Variants in UGT1A10 observed in about 807,000 individuals in gnomAD.
UGT1A10 encodes the protein UDP glucuronosyltransferase family 1 member A10.
A neutral mutation model predicts 45.8 loss-of-function variants in UGT1A10; 49 were observed. The observed-to-expected ratio is 1.07, with a 90% confidence interval of 0.85 to 1.36. The LOEUF (loss-of-function observed/expected upper bound fraction) is 1.36. UGT1A10 is among the 40% of genes most tolerant of loss of function. UGT1A10 has a pLI of 0.00. For missense variants in UGT1A10, 745 were observed against 668.6 expected (o/e 1.11, Z -1.26); for synonymous variants, 284 against 249.7 (o/e 1.14, Z -1.29).
chr2:233,769,069 T>C lies in UGT1A10; in HGVS notation c.1295+630T>C, dbSNP rs1362327235. On this transcript the variant is annotated intron_variant, in intron 4 of 4. Transcript: ENST00000344644. The surrounding 1 kb of genome is among the most constrained non-coding windows in gnomAD (Gnocchi z 4.4). ...CATAAGTTTCCTGCACAGAAAGAAA[T>C]ACTCCATTATAAGAAGCATAGTATC... is the stretch of plus-strand genomic sequence containing the variant. 1.3e-5 allele frequency among the ~76,000 whole-genome samples: 2 copies of C among 152,194 alleles called. No individual in the cohort carries two copies. Among genetic ancestry groups the C allele is most frequent in the Admixed American group, 6.5e-5 (1 of 15,280 alleles).
In UGT1A10 at chr2:233,767,901, T is replaced by C; in HGVS notation, c.1040T>C (p.Ile347Thr). The C allele has an allele frequency of 6.2e-6, 10 of 1,614,218 alleles. No individual in the cohort carries two copies. Among genetic ancestry groups the C allele is most frequent in the Non-Finnish European group, 2.5e-6 (3 of 1,180,042 alleles). Residue 347 changes from isoleucine (I) to threonine (T), a missense_variant, in exon 3 of 5, where the codon ATA becomes ACA. Transcript: ENST00000344644. ...TRPSNLANNT[I>T]LVKWLPQNDL... is the part of the protein sequence containing the mutation. ...CCATCGAATCTTGCGAACAACACGATACTTGTTAAGTGGCTACCCCAAAAC... is the reference window on the plus strand; with the variant it reads ...CCATCGAATCTTGCGAACAACACGACACTTGTTAAGTGGCTACCCCAAAAC...
chr2:233,725,558 C>A (rs1559370859), intron 1 of UGT1A10, among the ~76,000 whole-genome samples: 1 of 152,094 alleles, frequency 6.6e-6, no homozygotes, highest in Non-Finnish European at 1.5e-5. Context: ...ATCCTTTCAA[C>A]ATATATTCGA....
intron 1 of UGT1A10, among the ~76,000 whole-genome samples, chr2:233,653,279 C>T (rs2073783000): frequency 6.6e-6 from 1 of 152,134 alleles, no homozygotes; most frequent in Non-Finnish European, 1.5e-5. Flanking sequence ...ACTTCATAGG[C>T]CACTTTACAC....
chr2:233,663,060 C>G (rs1327982289), intron 1 of UGT1A10, among the ~76,000 whole-genome samples: 1 of 152,080 alleles, frequency 6.6e-6, no homozygotes, highest in African/African-American at 2.4e-5. Context: ...GCTGTGCAAC[C>G]AACACCACCA....
At chr2:233,681,271 C>A (rs141901826) in intron 1 of UGT1A10, among the ~76,000 whole-genome samples, 4 of 151,932 alleles carry the variant, frequency 2.6e-5, no homozygotes, top group African/African-American at 9.7e-5. Context: ...TAGTGGCTCA[C>A]GCCTGTAATC....
At chr2:233,757,538 A>G (rs1235606271) in intron 1 of UGT1A10, among the ~76,000 whole-genome samples, 2 of 109,774 alleles carry the variant, frequency 1.8e-5, no homozygotes, top group East Asian at 2.1e-4. Context: ...TGTAAGGAAT[A>G]TATATATATA....
chr2:233,679,323 C>T (rs766783928), intron 1 of UGT1A10, among the ~76,000 whole-genome samples: 8 of 152,160 alleles, frequency 5.3e-5, no homozygotes, highest in Non-Finnish European at 1.0e-4. Flanking sequence ...CCAGAAAACG[C>T]GTTCTTATTG....
chr2:233,748,097 C>T (rs1693865364), intron 1 of UGT1A10: 9 of 1,612,658 alleles, frequency 5.6e-6, no homozygotes, highest in Admixed American at 1.7e-5. Flanking sequence ...TTCGTGCCTT[C>T]ATCCAATCAA....
chr2:233,640,328 C>A (rs564464359), intron 1 of UGT1A10, among the ~76,000 whole-genome samples: 2 of 151,962 alleles, frequency 1.3e-5, no homozygotes, highest in African/African-American at 4.8e-5. Flanking sequence ...TTTAAAGAAA[C>A]TTTTTGGCTG....
chr2:233,701,125 G>C (rs535015875), intron 1 of UGT1A10, among the ~76,000 whole-genome samples: 39 of 152,142 alleles, frequency 2.6e-4, no homozygotes, highest in Non-Finnish European at 5.1e-4. Context: ...ATCATTGAGG[G>C]ACATTTAGGT....
Position 233,713,763 on chromosome 2 carries a change from C to G in UGT1A10, c.856-53271C>G, listed in dbSNP as rs145951104. 4 of 1,613,766 alleles carry G rather than the reference C, an allele frequency of 2.5e-6. No individual in the cohort carries two copies. In the African/African-American group the frequency reaches 4.0e-5, roughly 16 times the overall value. On this transcript the variant is annotated intron_variant, in intron 1 of 4. Transcript: ENST00000344644. Reference sequence around the variant, plus strand: ...CAGCCATGCATCTGTGTGGCTGTTCCGAGGGGACTTTGTGATGGATTACCC... The same window carrying G: ...CAGCCATGCATCTGTGTGGCTGTTCGGAGGGGACTTTGTGATGGATTACCC...
chr2:233,667,609 G>C (rs1010087986), intron 1 of UGT1A10, among the ~76,000 whole-genome samples: 1 of 152,138 alleles, frequency 6.6e-6, no homozygotes, highest in African/African-American at 2.4e-5. Context: ...TACAGAATGG[G>C]AGAAAATTTT....
chr2:233,713,530 T>C (rs1170777444), intron 1 of UGT1A10: 2 of 1,613,964 alleles, frequency 1.2e-6, no homozygotes, highest in Non-Finnish European at 1.7e-6. Context: ...CCATGTGATT[T>C]AGACTTTAAG....
intron 1 of UGT1A10, among the ~76,000 whole-genome samples, chr2:233,671,665 C>G (rs1249431769): frequency 2.0e-5 from 3 of 152,240 alleles, no homozygotes; most frequent in East Asian, 1.9e-4. Context: ...TGCTTCTAAA[C>G]TTAACATTGC....
At chr2:233,748,947 C>G (rs900612588) in intron 1 of UGT1A10, among the ~76,000 whole-genome samples, 1 of 151,662 alleles carries the variant, frequency 6.6e-6, no homozygotes, top group Non-Finnish European at 1.5e-5. Context: ...CCCACCCTAT[C>G]CCACTCCAAG....
chr2:233,742,316 T>C lies in UGT1A10; in HGVS notation c.856-24718T>C, dbSNP rs962081179. On this transcript the variant is annotated intron_variant, in intron 1 of 4. Coordinates refer to ENST00000344644, the MANE Select transcript of UGT1A10 (RefSeq NM_019075.4). ...TTATAGATTAACTAAAAGTATTCCT[T>C]ACGGGAAACAAAGGGATGGGCTCTG... Among the ~76,000 whole-genome samples, 12 of 151,968 alleles carry C rather than the reference T, an allele frequency of 7.9e-5. 1 individual carries two copies. Among genetic ancestry groups the C allele is most frequent in the Admixed American group, 3.3e-4 (5 of 15,280 alleles).
intron 1 of UGT1A10, among the ~76,000 whole-genome samples, chr2:233,695,593 CTTCTGGTAAT>C (rs1373970979): frequency 6.6e-6 from 1 of 151,798 alleles, no homozygotes; most frequent in Admixed American, 6.6e-5. Flanking sequence ...CCCTTTCCAC[CTTCTGGTAAT>C]TACCAATGAA....
chr2:233,747,484 G>C (rs796155377), intron 1 of UGT1A10: 4 of 1,608,658 alleles, frequency 2.5e-6, no homozygotes, highest in Middle Eastern at 1.7e-4. Flanking sequence ...GAATTTGATC[G>C]CCTTGTGCTG....
At chr2:233,666,498 T>A (rs2074077647) in intron 1 of UGT1A10, among the ~76,000 whole-genome samples, 1 of 152,238 alleles carries the variant, frequency 6.6e-6, no homozygotes, top group Non-Finnish European at 1.5e-5. Flanking sequence ...CTTCTTGGGT[T>A]ATTCTCTGTT....
Sources: gnomAD v4.1 joint callset for allele counts (sites outside exome capture counted in the v4.1 genomes callset) on GRCh38, gnomAD v4.1.1 for gene constraint, Gnocchi (gnomAD v3.1) non-coding constraint, MANE v1.5 for transcripts, NCBI Gene and HGNC (gene_info 2026-07-23, HGNC 2026-07-21) for gene names.